Variants in DUSP15 observed in about 807,000 individuals in gnomAD.
DUSP15 encodes the protein dual specificity protein phosphatase 15.
DUSP15 carries 23 observed loss-of-function variants against 26.3 expected under a neutral mutation model. The ratio of observed to expected loss-of-function variants is 0.87; its 90% CI spans 0.63 to 1.24. The LOEUF (loss-of-function observed/expected upper bound fraction) is 1.24, where lower values mean the gene tolerates loss of function less well. Ranked by LOEUF, DUSP15 falls within the 50% of genes most tolerant of loss-of-function variation. The probability of loss-of-function intolerance (pLI) is 0.00; values close to 1 mark genes in which losing one functional copy is unlikely to be tolerated. For missense variants in DUSP15, 364 were observed against 320.6 expected, an observed-to-expected ratio of 1.14 and a Z score of -1.03; for synonymous variants, 143 against 135.5, an observed-to-expected ratio of 1.06 and a Z score of -0.39.
Position 31,870,420 on chromosome 20 carries a change from C to A in DUSP15, c.-83G>T, listed in dbSNP as rs1453876308. 1 of 1,294,846 alleles carries A rather than the reference C, an allele frequency of 7.7e-7. No homozygotes were observed. Among genetic ancestry groups the A allele is most frequent in the Non-Finnish European group, 9.8e-7 (1 of 1,025,222 alleles). 80.2% of individuals were successfully genotyped at this position (1,294,846 alleles called of 1,614,324 possible). A position where few individuals can be genotyped will look rare whatever the true frequency, so the allele number is the denominator to read the frequency against. On this transcript the variant is annotated 5_prime_UTR_variant, in exon 1 of 7. Coordinates refer to ENST00000339738, the MANE Select transcript of DUSP15 (RefSeq NM_080611.5). This position sits in a 1 kb window ranked among gnomAD's most constrained non-coding sequence, Gnocchi z 6.6. ...GTCACAGCTGCCCTGACGGCCCAGG[C>A]CCGACGCCTGCAGCCTGGCGGGGAA...
intron 6 of DUSP15, among the ~76,000 whole-genome samples, chr20:31,854,216 C>T (rs554013013): frequency 6.6e-6 from 1 of 152,260 alleles, no homozygotes; most frequent in East Asian, 1.9e-4. Flanking sequence ...TCATTGTTCT[C>T]AGAGACTCCA....
At chr20:31,860,528 A>AGCT (rs1198706711), downstream of DUSP15, among the ~76,000 whole-genome samples, 2 of 152,174 alleles carry the variant, frequency 1.3e-5, no homozygotes, top group Non-Finnish European at 2.9e-5. Context: ...AAACCAGAGG[A>AGCT]GCTGCTTCCT....
chr20:31,863,076 G>C (rs1600470717), intron 5 of DUSP15, among the ~76,000 whole-genome samples: 1 of 29,172 alleles, frequency 3.4e-5, no homozygotes. Context: ...CAGTATGGCT[G>C]GGGGGGGGGG....
chr20:31,863,080 G>C (rs6089102), intron 5 of DUSP15, among the ~76,000 whole-genome samples: 2,340 of 152,144 alleles, frequency 0.015, 39 homozygotes, highest in Non-Finnish European at 0.024. Flanking sequence ...ATGGCTGGGG[G>C]GGGGGGACAG....
At chr20:31,865,242 G>A (rs2062743506) in intron 3 of DUSP15, among the ~76,000 whole-genome samples, 1 of 152,132 alleles carries the variant, frequency 6.6e-6, no homozygotes, top group South Asian at 2.1e-4. Context: ...GCGTGGGCAT[G>A]ACGTCACCTA....
Position 31,870,194 on chromosome 20 carries a change from A to T in DUSP15, c.21+123T>A. On this transcript the variant is annotated intron_variant, in intron 1 of 6. Coordinates refer to ENST00000339738, the MANE Select transcript of DUSP15 (RefSeq NM_080611.5). This position sits in a 1 kb window ranked among gnomAD's most constrained non-coding sequence, Gnocchi z 6.6. ...GCGGTCTCGAGTCACAGGGACACGGAGATGCCGCCGCACGGAGACCGGCGA... is the reference window on the plus strand; with the variant it reads ...GCGGTCTCGAGTCACAGGGACACGGTGATGCCGCCGCACGGAGACCGGCGA... 1 of 1,225,844 alleles carries T rather than the reference A, an allele frequency of 8.2e-7. No individual in the cohort carries two copies. The highest frequency in any genetic ancestry group is 1.0e-6 in the Non-Finnish European group (1 of 983,816). 75.9% of individuals were successfully genotyped at this position (1,225,844 alleles called of 1,614,324 possible).
exon 8 of DUSP15, chr20:31,849,837 G>T: frequency 6.6e-7 from 1 of 1,524,862 alleles, no homozygotes; most frequent in Non-Finnish European, 8.7e-7. Flanking sequence ...TCGCGCACCA[G>T]CGCTGCGGAG....
downstream of DUSP15, chr20:31,860,949 C>T (rs769345981): frequency 2.1e-4 from 206 of 984,826 alleles, no homozygotes; most frequent in Non-Finnish European, 2.4e-4. Flanking sequence ...CTCAGGCCCC[C>T]AGGGGATGCA....
intron 9 of DUSP15, chr20:31,848,716 G>C: frequency 6.7e-7 from 1 of 1,488,160 alleles, no homozygotes; most frequent in Non-Finnish European, 9.1e-7. Flanking sequence ...AGTGTCAGAG[G>C]CAGAGCTGGG....
chr20:31,854,976 G>C (rs759799799), intron 6 of DUSP15, among the ~76,000 whole-genome samples: 1 of 152,090 alleles, frequency 6.6e-6, no homozygotes, highest in Non-Finnish European at 1.5e-5. Flanking sequence ...ATATGATGTT[G>C]ATTTATTAAC....
intron 8 of DUSP15, chr20:31,849,711 G>A: frequency 6.5e-7 from 1 of 1,530,312 alleles, no homozygotes; most frequent in Non-Finnish European, 8.8e-7. Flanking sequence ...ACACGTGGGC[G>A]CTGGGCAATG....
intron 6 of DUSP15, among the ~76,000 whole-genome samples, chr20:31,852,536 C>G (rs1464163017): frequency 1.3e-5 from 2 of 152,298 alleles, no homozygotes; most frequent in Non-Finnish European, 2.9e-5. Context: ...GTTGGCCGGG[C>G]ATGGTGGCTC....
chr20:31,865,046 C>A, intron 3 of DUSP15, 44 bp from the exon 4 acceptor site: 1 of 1,608,688 alleles, frequency 6.2e-7, no homozygotes, highest in Non-Finnish European at 8.5e-7. Flanking sequence ...TTGCCTGCAA[C>A]CCTCCCTGAT....
At chr20:31,846,243 CACAG>C (rs894771394), downstream of DUSP15, among the ~76,000 whole-genome samples, 1 of 150,624 alleles carries the variant, frequency 6.6e-6, no homozygotes. Context: ...CAAGCACATA[CACAG>C]ACACACAGAG....
At chr20:31,864,830 T>G (rs1208271102) in intron 4 of DUSP15, 123 bp downstream of exon 4, 1 of 1,036,408 alleles carries the variant, frequency 9.6e-7, no homozygotes, top group East Asian at 2.4e-5. Context: ...TGGGACTGGT[T>G]GAGTTGAACA....
intron 7 of DUSP15, chr20:31,850,538 G>A (rs1011759100): frequency 8.2e-6 from 12 of 1,467,734 alleles, no homozygotes; most frequent in Non-Finnish European, 1.1e-5. Flanking sequence ...GGAGAGAGAG[G>A]TGGGCTGGCC....
At chr20:31,870,631 C>T, upstream of DUSP15, 1 of 1,328,892 alleles carries the variant, frequency 7.5e-7, no homozygotes, top group Non-Finnish European at 9.6e-7. This position sits in a 1 kb window ranked among gnomAD's most constrained non-coding sequence, Gnocchi z 6.6. Flanking sequence ...CGGACAAAGC[C>T]CCAGTGTGCC....
intron 8 of DUSP15, chr20:31,849,469 T>C (rs776148235): frequency 2.2e-4 from 147 of 663,360 alleles, no homozygotes; most frequent in Non-Finnish European, 3.7e-4. Context: ...CTGTTCATGT[T>C]CCTTTGCCCA....
At chr20:31,846,269 CAG>C (rs1788834077), downstream of DUSP15, among the ~76,000 whole-genome samples, 1 of 129,968 alleles carries the variant, frequency 7.7e-6, no homozygotes, top group Non-Finnish European at 1.6e-5. Context: ...CATACACACA[CAG>C]AAACACAGAG....
Sources: allele counts gnomAD v4.1 joint callset (sites outside exome capture counted in the v4.1 genomes callset), GRCh38; gene constraint gnomAD v4.1.1; non-coding constraint Gnocchi (gnomAD v3.1); transcripts MANE v1.5; gene names NCBI Gene and HGNC (gene_info 2026-07-23, HGNC 2026-07-21).